Variants in DENND1A observed in about 807,000 individuals in gnomAD.
DENND1A encodes DENN domain containing 1A, also known as DENN domain-containing protein 1A.
Under a neutral mutation model 113.7 loss-of-function variants are expected in DENND1A, and 51 were observed. The ratio of observed to expected loss-of-function variants is 0.45; its 90% confidence interval spans 0.36 to 0.57. The LOEUF (loss-of-function observed/expected upper bound fraction) is 0.57, where lower values mean the gene tolerates loss of function less well. Among genes scored for constraint, DENND1A ranks in the 20% least tolerant of loss-of-function variants. DENND1A has a pLI of 0.00. For synonymous variants in DENND1A, 565 were observed against 570.8 expected (o/e 0.99, Z 0.14); for missense variants, 1,258 against 1,395.9 (o/e 0.90, Z 1.57).
At chr9:123,749,753 G>C (rs2069840347) in intron 5 of DENND1A, among the ~76,000 whole-genome samples, 1 of 151,964 alleles carries the variant, frequency 6.6e-6, no homozygotes, top group Admixed American at 6.6e-5. Context: ...TGCGGGGGTG[G>C]GTAGAGAGCA....
chr9:123,607,541 A>AGTGT (rs1323832387), intron 11 of DENND1A, among the ~76,000 whole-genome samples: 3 of 127,040 alleles, frequency 2.4e-5, no homozygotes, highest in African/African-American at 5.9e-5. Flanking sequence ...AGAGAGAGAG[A>AGTGT]GAGAGAGTGT....
intron 2 of DENND1A, among the ~76,000 whole-genome samples, chr9:123,833,632 A>C (rs1024662524): frequency 6.6e-6 from 1 of 152,214 alleles, no homozygotes; most frequent in African/African-American, 2.4e-5. Flanking sequence ...TGTTTGATGT[A>C]ATTATTTAAC....
chr9:123,402,048 C>G (rs1189537122), intron 21 of DENND1A: 12 of 1,230,478 alleles, frequency 9.8e-6, no homozygotes, highest in Middle Eastern at 2.0e-4. Context: ...AATTTCATCC[C>G]CTTAAGGAGG....
intron 5 of DENND1A, among the ~76,000 whole-genome samples, chr9:123,755,120 G>T (rs2070406921): frequency 7.1e-6 from 1 of 140,606 alleles, no homozygotes; most frequent in South Asian, 2.2e-4. Context: ...GTTATACACA[G>T]ATTTTTTTTT....
chr9:123,673,948 T>C (rs1325869368), intron 6 of DENND1A, among the ~76,000 whole-genome samples: 1 of 151,938 alleles, frequency 6.6e-6, no homozygotes, highest in Non-Finnish European at 1.5e-5. Flanking sequence ...AACACTGACA[T>C]CCAGGGCTGG....
intron 2 of DENND1A, among the ~76,000 whole-genome samples, chr9:123,835,720 C>G (rs1405410836): frequency 6.7e-6 from 1 of 150,246 alleles, no homozygotes; most frequent in Non-Finnish European, 1.5e-5. Flanking sequence ...TCTCAAAACA[C>G]ACTCCTCCAC....
Position 123,847,659 on chromosome 9 carries a change from G to A in DENND1A, c.88+31292C>T, listed in dbSNP as rs539360391. ...CATAAAGAACAAAGAAAATGGCCAG[G>A]CACAGTGGCTCACACTTGTAATCCC... On this transcript the variant is annotated intron_variant, in intron 2 of 23. Coordinates refer to ENST00000394215, the MANE Select transcript of DENND1A (RefSeq NM_001352964.2). Among the ~76,000 whole-genome samples, 40 of 152,320 alleles carry A rather than the reference G, an allele frequency of 2.6e-4. No homozygotes were observed. The South Asian group carries it at 8.3e-3, about 32-fold the overall frequency.
intron 5 of DENND1A, among the ~76,000 whole-genome samples, chr9:123,680,408 G>A (rs962129767): frequency 6.6e-6 from 1 of 152,234 alleles, no homozygotes; most frequent in Admixed American, 6.5e-5. Flanking sequence ...GGAGGGCAAG[G>A]GCAGGTTCTA....
intron 18 of DENND1A, among the ~76,000 whole-genome samples, chr9:123,443,297 A>C (rs2047062955): frequency 6.6e-6 from 1 of 152,232 alleles, no homozygotes; most frequent in African/African-American, 2.4e-5. Flanking sequence ...GGCTACACTG[A>C]TCATAGGCTG....
At chr9:123,760,655 C>T (rs900198659) in intron 4 of DENND1A, among the ~76,000 whole-genome samples, 48 of 152,080 alleles carry the variant, frequency 3.2e-4, no homozygotes, top group Non-Finnish European at 8.8e-5. Context: ...TATGTTTTAT[C>T]CATAAAGCTT....
At chr9:123,856,971 C>T (rs549152296) in intron 2 of DENND1A, among the ~76,000 whole-genome samples, 1 of 151,874 alleles carries the variant, frequency 6.6e-6, no homozygotes, top group South Asian at 2.1e-4. Flanking sequence ...TGGTTGAAAT[C>T]GGAAGTACTG....
At chr9:123,743,327 G>A (rs149709108) in intron 5 of DENND1A, among the ~76,000 whole-genome samples, 3,069 of 152,156 alleles carry the variant, frequency 0.02, 109 homozygotes, top group African/African-American at 0.071. Context: ...CTTGAACTCA[G>A]GAGGCAGAGG....
intron 1 of DENND1A, among the ~76,000 whole-genome samples, chr9:123,915,716 C>G (rs1025609863): frequency 2.0e-5 from 3 of 152,012 alleles, no homozygotes; most frequent in Middle Eastern, 3.2e-3. Flanking sequence ...ACCAGAAAAA[C>G]TAAAAATAGG....
chr9:123,783,960 T>G (rs1226743765), intron 3 of DENND1A, among the ~76,000 whole-genome samples: 1 of 152,192 alleles, frequency 6.6e-6, no homozygotes, highest in Non-Finnish European at 1.5e-5. Flanking sequence ...CTGAAGTGAC[T>G]AATTTCATCA....
At chr9:123,565,772 G>A (rs1257357976) in intron 12 of DENND1A, among the ~76,000 whole-genome samples, 3 of 152,158 alleles carry the variant, frequency 2.0e-5, no homozygotes, top group South Asian at 4.2e-4. Flanking sequence ...CATTACATAA[G>A]CATATCTACC....
chr9:123,631,625 CT>C (rs2061479686), intron 9 of DENND1A, among the ~76,000 whole-genome samples: 1 of 152,222 alleles, frequency 6.6e-6, no homozygotes, highest in Non-Finnish European at 1.5e-5. Flanking sequence ...TTCAGTCCAT[CT>C]GGAATTACTT....
At chr9:123,478,460 T>C (rs1039430020) in intron 13 of DENND1A, among the ~76,000 whole-genome samples, 6 of 152,228 alleles carry the variant, frequency 3.9e-5, no homozygotes, top group Non-Finnish European at 8.8e-5. Context: ...GTGTCTCATT[T>C]TGGGAAGACT....
chr9:123,631,113 C>A (rs2061456619), intron 9 of DENND1A, among the ~76,000 whole-genome samples: 1 of 152,044 alleles, frequency 6.6e-6, no homozygotes, highest in Admixed American at 6.6e-5. Context: ...TTTGAAGGCA[C>A]TTAATAAATA....
intron 2 of DENND1A, among the ~76,000 whole-genome samples, chr9:123,796,734 A>C (rs544368307): frequency 1.0e-4 from 15 of 147,848 alleles, no homozygotes; most frequent in East Asian, 5.9e-4. Flanking sequence ...TCATTTGTAC[A>C]TTGGTAACTC....
Sources: allele counts gnomAD v4.1 joint callset (sites outside exome capture counted in the v4.1 genomes callset), GRCh38; gene constraint gnomAD v4.1.1; transcripts MANE v1.5; gene names NCBI Gene and HGNC (gene_info 2026-07-23, HGNC 2026-07-21).